Variants in TSPAN14 observed in about 807,000 individuals in gnomAD.
TSPAN14 encodes the protein tetraspanin-14.
Under a neutral mutation model 36.6 loss-of-function variants are expected in TSPAN14, and 16 were observed. The ratio of observed to expected loss-of-function variants is 0.44; its 90% CI spans 0.30 to 0.66. The LOEUF (loss-of-function observed/expected upper bound fraction) is 0.66. Among genes scored for constraint, TSPAN14 ranks in the 30% least tolerant of loss-of-function variants. The probability of loss-of-function intolerance (pLI) is 0.12; values close to 1 mark genes in which losing one functional copy is unlikely to be tolerated. For missense variants in TSPAN14, 231 were observed against 355.1 expected (o/e 0.65, Z 2.81); for synonymous variants, 139 against 143.8 (o/e 0.97, Z 0.24).
intron 3 of TSPAN14, among the ~76,000 whole-genome samples, chr10:80,505,007 G>A (rs1038695209): frequency 3.3e-5 from 5 of 152,244 alleles, no homozygotes; most frequent in South Asian, 2.1e-4. Flanking sequence ...CCCTGTGGAT[G>A]TGGAGAGCTC....
chr10:80,460,560 T>G (rs1217689651), intron 1 of TSPAN14, among the ~76,000 whole-genome samples: 1 of 152,124 alleles, frequency 6.6e-6, no homozygotes, highest in African/African-American at 2.4e-5. Context: ...AGGAGACAGG[T>G]GTGAGTGGTC....
chr10:80,493,712 C>T (rs1848042709), intron 2 of TSPAN14, among the ~76,000 whole-genome samples: 1 of 152,128 alleles, frequency 6.6e-6, no homozygotes, highest in Non-Finnish European at 1.5e-5. Flanking sequence ...ATCATAGAGA[C>T]AGGAAGTAGA....
intron 5 of TSPAN14, among the ~76,000 whole-genome samples, chr10:80,511,189 CT>C (rs1321620400): frequency 6.6e-6 from 1 of 152,146 alleles, no homozygotes; most frequent in Non-Finnish European, 1.5e-5. Context: ...ATTTTACACA[CT>C]TTTTAGTCAA....
intron 2 of TSPAN14, among the ~76,000 whole-genome samples, chr10:80,503,969 T>C (rs555310779): frequency 7.4e-4 from 112 of 152,252 alleles, no homozygotes; most frequent in Non-Finnish European, 6.9e-4. Context: ...CTGTGTGATG[T>C]ATTTGGGTGG....
At chr10:80,484,637 T>C (rs1054956377) in intron 1 of TSPAN14, among the ~76,000 whole-genome samples, 1 of 152,258 alleles carries the variant, frequency 6.6e-6, no homozygotes, top group Non-Finnish European at 1.5e-5. Context: ...TTTTGAAGTA[T>C]GGGTCTCTAT....
At chr10:80,482,874 T>G (rs1355412971) in intron 1 of TSPAN14, among the ~76,000 whole-genome samples, 1 of 151,796 alleles carries the variant, frequency 6.6e-6, no homozygotes, top group Non-Finnish European at 1.5e-5. Context: ...TAGCTGGTAT[T>G]ACAGGCGTGA....
At chr10:80,480,573 A>G (rs1005736088) in intron 1 of TSPAN14, among the ~76,000 whole-genome samples, 13 of 152,250 alleles carry the variant, frequency 8.5e-5, no homozygotes, top group Non-Finnish European at 1.3e-4. Context: ...AATGTGGCAC[A>G]TATACACCAT....
chr10:80,504,708 CTT>C lies in TSPAN14; in HGVS notation c.82-18_82-17del. ...GGTTTCCAACCTAACTTCCTTCTCT[CTT>C]TCCTCTGCCCCGCTTAGTTGGCTGG... is the stretch of plus-strand genomic sequence containing the variant. On this transcript the variant is annotated intron_variant, in intron 2 of 8. Transcript: ENST00000429989. The C allele has an allele frequency of 6.2e-7, 1 of 1,614,080 alleles. No homozygotes were observed. The highest frequency in any genetic ancestry group is 1.3e-5 in the African/African-American group (1 of 75,058).
Position 80,466,225 on chromosome 10 carries a change from C to CCAGATAGGGTTGCACCTTGGAGTGT in TSPAN14, c.-18+11856_-18+11880dup, listed in dbSNP as rs1846238461. On this transcript the variant is annotated intron_variant, in intron 1 of 8. Coordinates refer to ENST00000429989, the Ensembl canonical transcript of TSPAN14. ...ACAAATCAAGAAGCAAGCCTCAGCC[C>CCAGATAGGGTTGCACCTTGGAGTGT]CAGATAGGGTTGCACCTTGGAGTGT... Among the ~76,000 whole-genome samples, 4 of 152,250 alleles carry CCAGATAGGGTTGCACCTTGGAGTGT rather than the reference C, an allele frequency of 2.6e-5. No homozygotes were observed. In the South Asian group the frequency reaches 8.3e-4, roughly 32 times the overall value.
intron 4 of TSPAN14, among the ~76,000 whole-genome samples, chr10:80,508,767 G>A (rs1840450660): frequency 6.6e-6 from 1 of 152,156 alleles, no homozygotes; most frequent in African/African-American, 2.4e-5. Flanking sequence ...TATGTACCTC[G>A]TGACATAGCC....
intron 1 of TSPAN14, among the ~76,000 whole-genome samples, chr10:80,456,923 G>A (rs1191002645): frequency 1.3e-5 from 2 of 152,124 alleles, no homozygotes; most frequent in Admixed American, 6.5e-5. Context: ...TTAGCTGGGC[G>A]TGGTGGCACA....
chr10:80,514,184 A>T, intron 7 of TSPAN14, 121 bp downstream of exon 7: 1 of 886,078 alleles, frequency 1.1e-6, no homozygotes, highest in Non-Finnish European at 1.8e-6. Context: ...GAAGCTCTTG[A>T]TGCCACCTAA....
At chr10:80,520,801 A>G (rs779125218) in exon 9 of TSPAN14, 1 of 532,746 alleles carries the variant, frequency 1.9e-6, no homozygotes, top group South Asian at 1.4e-5. Context: ...CCAATTGTCA[A>G]CTCTGGCCTT....
At chr10:80,507,755 A>C (rs1385514569) in intron 4 of TSPAN14, among the ~76,000 whole-genome samples, 2 of 152,214 alleles carry the variant, frequency 1.3e-5, no homozygotes, top group Non-Finnish European at 2.9e-5. Flanking sequence ...TCCCTCCTCC[A>C]AGGATGTGTG....
intron 8 of TSPAN14, among the ~76,000 whole-genome samples, chr10:80,516,870 T>G (rs532524231): frequency 5.9e-5 from 9 of 152,188 alleles, no homozygotes; most frequent in Non-Finnish European, 1.3e-4. Flanking sequence ...CATCCTTTCC[T>G]CTCCCAGGCT....
intron 2 of TSPAN14, among the ~76,000 whole-genome samples, chr10:80,494,404 G>T (rs1848081868): frequency 6.6e-6 from 1 of 152,186 alleles, no homozygotes; most frequent in East Asian, 1.9e-4. Flanking sequence ...AATTTTGCCA[G>T]AACAACAGGT....
intron 6 of TSPAN14, among the ~76,000 whole-genome samples, chr10:80,513,197 C>T (rs1345035398): frequency 6.6e-6 from 1 of 152,202 alleles, no homozygotes; most frequent in African/African-American, 2.4e-5. Flanking sequence ...CTGTGCCTGT[C>T]CTGTCCTTTC....
At position 80,461,759 on chromosome 10, in the gene TSPAN14, C is replaced by T. The variant is rs553267296; in HGVS notation, c.-18+7388C>T. Among the ~76,000 whole-genome samples the T allele has an allele frequency of 5.3e-5, 8 of 152,044 alleles. No homozygotes were observed. The East Asian group carries it at 5.8e-4, about 11-fold the overall frequency. The stretch of plus-strand genomic sequence containing the variant: ...GGCTCTGCTCACTCCTGCAGAAAGA[C>T]GGTTGGAGAGGGGCTGGTCTTGGTT... On this transcript the variant is annotated intron_variant, in intron 1 of 8. Transcript: ENST00000429989.
intron 6 of TSPAN14, 121 bp downstream of exon 6, chr10:80,512,390 T>A: frequency 2.2e-6 from 3 of 1,382,258 alleles, no homozygotes; most frequent in Non-Finnish European, 2.9e-6. Flanking sequence ...CAGGTGTGCT[T>A]TCTCCACACC....
Sources: allele counts gnomAD v4.1 joint callset (sites outside exome capture counted in the v4.1 genomes callset), GRCh38; gene constraint gnomAD v4.1.1; transcripts MANE v1.5; gene names NCBI Gene and HGNC (gene_info 2026-07-23, HGNC 2026-07-21).